Variants in PACRG observed in about 807,000 individuals in gnomAD.
The protein encoded by PACRG is parkin coregulated gene protein.
A neutral mutation model predicts 29.7 loss-of-function variants in PACRG; 29 were observed. The observed-to-expected ratio is 0.98, with a 90% CI of 0.73 to 1.33. The LOEUF is 1.33. PACRG is among the 40% of genes most tolerant of loss of function. The probability of loss-of-function intolerance (pLI) is 0.00; values close to 1 mark genes in which losing one functional copy is unlikely to be tolerated. For synonymous variants in PACRG, 116 were observed against 118.7 expected, an observed-to-expected ratio of 0.98 and a Z score of 0.15; for missense variants, 279 against 316.2, an observed-to-expected ratio of 0.88 and a Z score of 0.89.
intron 4 of PACRG, among the ~76,000 whole-genome samples, chr6:163,311,410 A>G (rs1369927735): frequency 6.6e-6 from 1 of 152,202 alleles, no homozygotes; most frequent in African/African-American, 2.4e-5. Context: ...GTAAATAACC[A>G]TTTGGGTTTA....
intron 4 of PACRG, among the ~76,000 whole-genome samples, chr6:163,240,252 G>C (rs13210788): frequency 2.6e-5 from 4 of 151,398 alleles, no homozygotes; most frequent in Non-Finnish European, 5.9e-5. Context: ...GAGGAGGAGG[G>C]GGGGACGTGC....
chr6:163,211,510 A>G (rs1781139184), intron 4 of PACRG, among the ~76,000 whole-genome samples: 1 of 152,190 alleles, frequency 6.6e-6, no homozygotes, highest in Non-Finnish European at 1.5e-5. Flanking sequence ...GTATTTGATT[A>G]TTTTTCATAA....
chr6:162,919,102 A>G (rs898975142), intron 2 of PACRG, among the ~76,000 whole-genome samples: 3 of 152,236 alleles, frequency 2.0e-5, no homozygotes, highest in East Asian at 3.9e-4. Flanking sequence ...CAAAAGAAAT[A>G]CCATTTGGGA....
chr6:162,802,324 G>C (rs754992117), intron 1 of PACRG, among the ~76,000 whole-genome samples: 3 of 152,072 alleles, frequency 2.0e-5, no homozygotes, highest in Non-Finnish European at 4.4e-5. Context: ...TCTGTTTCTA[G>C]TAAATAATTT....
intron 2 of PACRG, among the ~76,000 whole-genome samples, chr6:162,992,900 A>G (rs931756898): frequency 1.3e-5 from 2 of 150,650 alleles, no homozygotes; most frequent in African/African-American, 4.9e-5. Context: ...TTCCCTCTAC[A>G]CACTGCTTTG....
At chr6:163,259,954 C>T (rs1783260068) in intron 4 of PACRG, among the ~76,000 whole-genome samples, 1 of 152,216 alleles carries the variant, frequency 6.6e-6, no homozygotes, top group African/African-American at 2.4e-5. Context: ...GTCCGGTCCT[C>T]TGATGATGTG....
chr6:162,774,651 A>C (rs539932176), intron 1 of PACRG, among the ~76,000 whole-genome samples: 1 of 151,936 alleles, frequency 6.6e-6, no homozygotes, highest in Non-Finnish European at 1.5e-5. Flanking sequence ...AGGCTGTTTC[A>C]TTGTCTCCAT....
At chr6:162,928,480 G>T (rs1178863428) in intron 2 of PACRG, among the ~76,000 whole-genome samples, 1 of 151,096 alleles carries the variant, frequency 6.6e-6, no homozygotes. Context: ...TAAATTTTTT[G>T]TATTGATACA....
chr6:163,297,797 C>T (rs1784834111), intron 4 of PACRG, among the ~76,000 whole-genome samples: 1 of 152,146 alleles, frequency 6.6e-6, no homozygotes, highest in Non-Finnish European at 1.5e-5. Context: ...TGATTAGCGA[C>T]CCCTCACAGC....
chr6:163,017,965 A>G (rs1806260277), intron 2 of PACRG, among the ~76,000 whole-genome samples: 1 of 152,170 alleles, frequency 6.6e-6, no homozygotes, highest in South Asian at 2.1e-4. Context: ...TTTGCTATAC[A>G]TGGCATCCAT....
chr6:162,794,966 A>G (rs753908115), intron 1 of PACRG, among the ~76,000 whole-genome samples: 14 of 152,154 alleles, frequency 9.2e-5, no homozygotes, highest in Non-Finnish European at 2.1e-4. Flanking sequence ...GTGGAAAAAA[A>G]GATCTGGATA....
chr6:163,225,590 AC>A (rs1781758636), intron 4 of PACRG, among the ~76,000 whole-genome samples: 3 of 152,182 alleles, frequency 2.0e-5, no homozygotes, highest in African/African-American at 7.2e-5. Context: ...GAAAAAGAGG[AC>A]CCTTACGCAC....
chr6:162,816,595 G>T (rs1006284927), intron 2 of PACRG, among the ~76,000 whole-genome samples: 1 of 152,072 alleles, frequency 6.6e-6, no homozygotes, highest in East Asian at 1.9e-4. Context: ...CTCGTGATCC[G>T]CCTGTCTCAG....
intron 4 of PACRG, among the ~76,000 whole-genome samples, chr6:163,210,038 T>G (rs967082011): frequency 1.3e-5 from 2 of 152,164 alleles, no homozygotes; most frequent in Non-Finnish European, 2.9e-5. Context: ...TCTTGTTAAT[T>G]GAGCTTTGGC....
chr6:163,314,355 G>A (rs1785561547), intron 4 of PACRG, among the ~76,000 whole-genome samples: 1 of 152,240 alleles, frequency 6.6e-6, no homozygotes, highest in Non-Finnish European at 1.5e-5. Flanking sequence ...GGATTCAGGA[G>A]AAAGAGTTTG....
At chr6:163,224,776 T>G (rs1781722818) in intron 4 of PACRG, among the ~76,000 whole-genome samples, 1 of 151,574 alleles carries the variant, frequency 6.6e-6, no homozygotes, top group Non-Finnish European at 1.5e-5. Context: ...GCCTAGGTAG[T>G]TTTGTTGTTG....
chr6:162,822,740 A>C (rs945878074), intron 2 of PACRG, among the ~76,000 whole-genome samples: 3 of 152,204 alleles, frequency 2.0e-5, no homozygotes, highest in Non-Finnish European at 4.4e-5. Flanking sequence ...ATAAAATTTC[A>C]ACTTTCATGT....
At chr6:162,763,354 T>C (rs548618727) in intron 1 of PACRG, among the ~76,000 whole-genome samples, 34 of 152,310 alleles carry the variant, frequency 2.2e-4, no homozygotes, top group African/African-American at 7.5e-4. Context: ...TCAGGTCACC[T>C]GTCACAACGC....
intron 4 of PACRG, among the ~76,000 whole-genome samples, chr6:163,159,900 A>G (rs967613694): frequency 6.6e-6 from 1 of 151,972 alleles, no homozygotes; most frequent in Non-Finnish European, 1.5e-5. Context: ...CACCCCCGTG[A>G]CTTCCTCTCC....
Sources: gnomAD v4.1 joint callset for allele counts (sites outside exome capture counted in the v4.1 genomes callset) on GRCh38, gnomAD v4.1.1 for gene constraint, MANE v1.5 for transcripts, NCBI Gene and HGNC (gene_info 2026-07-23, HGNC 2026-07-21) for gene names.